Variants in CAMTA1 observed in about 807,000 individuals in gnomAD.
The protein encoded by CAMTA1 is calmodulin-binding transcription activator 1.
Under a neutral mutation model 170.9 loss-of-function variants are expected in CAMTA1, and 27 were observed. The ratio of observed to expected loss-of-function variants is 0.16; its 90% CI spans 0.12 to 0.22. The LOEUF is 0.22. CAMTA1 is among the 10% of genes least tolerant of loss of function. The pLI, the probability that CAMTA1 is intolerant of heterozygous loss-of-function variation, is 1.00. For synonymous variants in CAMTA1, 833 were observed against 891.5 expected, an observed-to-expected ratio of 0.93 and a Z score of 1.17; for missense variants, 1,619 against 2,217.2, an observed-to-expected ratio of 0.73 and a Z score of 5.42.
At chr1:6,977,736 C>T (rs571869076) in intron 3 of CAMTA1, among the ~76,000 whole-genome samples, 18 of 152,226 alleles carry the variant, frequency 1.2e-4, no homozygotes, top group African/African-American at 3.6e-4. Flanking sequence ...GTATGGAAAC[C>T]AAGGTTTAGA....
chr1:7,644,738 T>C (rs1451828801), intron 7 of CAMTA1, among the ~76,000 whole-genome samples: 3 of 152,240 alleles, frequency 2.0e-5, no homozygotes, highest in Non-Finnish European at 2.9e-5. Flanking sequence ...GGACAGAATT[T>C]TGTCATATGG....
At chr1:7,186,655 G>GA (rs1164915400) in intron 4 of CAMTA1, among the ~76,000 whole-genome samples, 1 of 152,164 alleles carries the variant, frequency 6.6e-6, no homozygotes, top group Non-Finnish European at 1.5e-5. Flanking sequence ...GCTGGTTGGG[G>GA]GGAGGGTACA....
intron 3 of CAMTA1, among the ~76,000 whole-genome samples, chr1:6,953,514 C>T (rs570040302): frequency 3.1e-4 from 47 of 152,344 alleles, no homozygotes; most frequent in African/African-American, 1.0e-3. Context: ...TGCTCAGGGC[C>T]GCCTTGCTCA....
intron 3 of CAMTA1, among the ~76,000 whole-genome samples, chr1:7,060,571 C>T (rs72857534): frequency 0.035 from 5,265 of 152,246 alleles, 150 homozygotes; most frequent in African/African-American, 0.078. Flanking sequence ...TTCACATAGG[C>T]GGGGTCCCCT....
Position 7,680,813 on chromosome 1 carries a change from G to C in CAMTA1, c.2914+3080G>C, listed in dbSNP as rs199549634. On this transcript the variant is annotated intron_variant, in intron 11 of 22. Coordinates refer to ENST00000303635, the MANE Select transcript of CAMTA1 (RefSeq NM_015215.4). This position sits in a 1 kb window ranked among gnomAD's most constrained non-coding sequence, Gnocchi z 4.4. Reference sequence around the variant, plus strand: ...TTTGTTTGCTTGGCTAAAGGCCGGGGGGGGGCGTGGGTCCGGGGCGCAGAG... The same window carrying C: ...TTTGTTTGCTTGGCTAAAGGCCGGGCGGGGGCGTGGGTCCGGGGCGCAGAG... Among the ~76,000 whole-genome samples the C allele has an allele frequency of 1.5e-4, 22 of 147,506 alleles. No homozygotes were observed. The highest frequency in any genetic ancestry group is 5.0e-4 in the African/African-American group (20 of 40,180).
intron 3 of CAMTA1, among the ~76,000 whole-genome samples, chr1:6,944,445 C>A (rs975208648): frequency 1.3e-5 from 2 of 152,162 alleles, no homozygotes; most frequent in African/African-American, 4.8e-5. Context: ...GACCTGTACA[C>A]CCCACCCCAT....
At chr1:7,619,652 ATT>A (rs59695174) in intron 6 of CAMTA1, among the ~76,000 whole-genome samples, 8 of 143,592 alleles carry the variant, frequency 5.6e-5, no homozygotes, top group African/African-American at 1.5e-4. Flanking sequence ...GGAGAAATTG[ATT>A]TTTTTTTTTT....
chr1:7,560,430 G>A (rs1186545275), intron 6 of CAMTA1, among the ~76,000 whole-genome samples: 1 of 152,196 alleles, frequency 6.6e-6, no homozygotes, highest in Non-Finnish European at 1.5e-5. Context: ...CTGGAGCCGG[G>A]AACATGAGAT....
chr1:7,339,497 C>T (rs552661861), intron 5 of CAMTA1, among the ~76,000 whole-genome samples: 17 of 152,306 alleles, frequency 1.1e-4, no homozygotes, highest in African/African-American at 3.9e-4. Context: ...CCTTCTAAGC[C>T]CTTCCTGCCC....
intron 3 of CAMTA1, among the ~76,000 whole-genome samples, chr1:6,869,048 G>A (rs934459739): frequency 1.3e-5 from 2 of 152,170 alleles, no homozygotes; most frequent in Admixed American, 1.3e-4. Context: ...AAAATACCTG[G>A]TAGTTCTGCC....
At chr1:7,103,764 A>G (rs1470993750) in intron 4 of CAMTA1, among the ~76,000 whole-genome samples, 11 of 151,998 alleles carry the variant, frequency 7.2e-5, no homozygotes, top group Admixed American at 6.6e-4. Context: ...ACACACATGC[A>G]CACACAACAC....
intron 5 of CAMTA1, among the ~76,000 whole-genome samples, chr1:7,314,479 T>C (rs1375639776): frequency 2.0e-5 from 3 of 152,242 alleles, no homozygotes; most frequent in African/African-American, 7.2e-5. Context: ...ATGCCCTGTG[T>C]ATCATGGTGC....
At chr1:7,036,331 C>G (rs1425717068) in intron 3 of CAMTA1, among the ~76,000 whole-genome samples, 1 of 152,116 alleles carries the variant, frequency 6.6e-6, no homozygotes, top group Non-Finnish European at 1.5e-5. Flanking sequence ...AATGTGTGAA[C>G]ACATGATGGA....
intron 4 of CAMTA1, among the ~76,000 whole-genome samples, chr1:7,182,300 G>T (rs771634078): frequency 6.6e-6 from 1 of 152,230 alleles, no homozygotes; most frequent in East Asian, 1.9e-4. Flanking sequence ...TTGCACTTTG[G>T]GGGGCCAAGG....
intron 5 of CAMTA1, among the ~76,000 whole-genome samples, chr1:7,401,194 G>T (rs1390998270): frequency 1.3e-5 from 2 of 152,132 alleles, no homozygotes; most frequent in Non-Finnish European, 2.9e-5. Flanking sequence ...ACGGTGCAAG[G>T]TATAGATTAA....
intron 5 of CAMTA1, among the ~76,000 whole-genome samples, chr1:7,284,005 T>C (rs1471466633): frequency 6.6e-6 from 1 of 152,156 alleles, no homozygotes; most frequent in African/African-American, 2.4e-5. Context: ...TTCCTCTCCC[T>C]ACCTGTGGGG....
intron 4 of CAMTA1, among the ~76,000 whole-genome samples, chr1:7,190,934 TAATTA>T (rs1457585120): frequency 6.6e-6 from 1 of 152,240 alleles, no homozygotes; most frequent in Non-Finnish European, 1.5e-5. Context: ...GAATGGTGTG[TAATTA>T]GTGCTTTAAT....
chr1:6,948,833 C>T (rs1001115481), intron 3 of CAMTA1, among the ~76,000 whole-genome samples: 3 of 152,140 alleles, frequency 2.0e-5, no homozygotes, highest in Admixed American at 6.5e-5. Flanking sequence ...CTGCTTTCCT[C>T]GGACCACAAG....
intron 3 of CAMTA1, among the ~76,000 whole-genome samples, chr1:6,920,690 C>T (rs1457695262): frequency 6.6e-6 from 1 of 152,234 alleles, no homozygotes; most frequent in Non-Finnish European, 1.5e-5. Flanking sequence ...GCAGAGGTTC[C>T]CATACCTCAA....
Sources: allele counts gnomAD v4.1 joint callset (sites outside exome capture counted in the v4.1 genomes callset), GRCh38; gene constraint gnomAD v4.1.1; non-coding constraint Gnocchi (gnomAD v3.1); transcripts MANE v1.5; gene names NCBI Gene and HGNC (gene_info 2026-07-23, HGNC 2026-07-21).